The following GIT2 variants were observed in gnomAD, a reference collection of about 807,000 sequenced individuals.
The protein encoded by GIT2 is GIT ArfGAP 2, also known as ARF GTPase-activating protein GIT2.
In GIT2, 32 loss-of-function variants were observed where a neutral mutation model predicts 100.3. The observed-to-expected ratio is 0.32, with a 90% CI of 0.24 to 0.43. The LOEUF (loss-of-function observed/expected upper bound fraction) is 0.43, where lower values mean the gene tolerates loss of function less well. Among genes scored for constraint, GIT2 ranks in the 20% least tolerant of loss-of-function variants. The pLI is 1.00. For missense variants in GIT2, 737 were observed against 975.1 expected, an observed-to-expected ratio of 0.76 and a Z score of 3.25; for synonymous variants, 353 against 364.1, an observed-to-expected ratio of 0.97 and a Z score of 0.35.
At position 109,939,188 on chromosome 12, in the gene GIT2, G is replaced by T. The variant is rs780891524; in HGVS notation, c.1791C>A (p.Asn597Lys). Residue 597 changes from asparagine (N) to lysine (K), a missense_variant, in exon 17 of 20, where the codon AAC (asparagine) becomes AAA (lysine). Asn to Lys is a moderately conservative substitution (Grantham distance 94). Transcript: ENST00000355312. Reference protein sequence around the residue: ...TPESDYDNTPNDMEPDGMGSS... With the variant: ...TPESDYDNTPKDMEPDGMGSS... ...ACCCCATGCCATCTGGCTCCATGTC[G>T]TTGGGAGTGTTGTCGTAGTCACTCT... The T allele has an allele frequency of 6.2e-7, 1 of 1,610,258 alleles. No individual in the cohort carries two copies. Among genetic ancestry groups the T allele is most frequent in the Admixed American group, 1.7e-5 (1 of 59,982 alleles).
chr12:109,939,727 A>AATC (rs1565936273), intron 16 of GIT2: 6 of 145,054 alleles, frequency 4.1e-5, no homozygotes, highest in Non-Finnish European at 7.5e-5. Flanking sequence ...ATAAATAAAT[A>AATC]AATCAGCCAG....
intron 7 of GIT2, among the ~76,000 whole-genome samples, chr12:109,969,188 A>G (rs892360744): frequency 0.01 from 657 of 65,250 alleles, 5 homozygotes; most frequent in African/African-American, 0.042. Flanking sequence ...TTTTTTTGAG[A>G]TGGAGTTTTG....
chr12:109,945,439 C>T, intron 15 of GIT2, 90 bp from the exon 16 acceptor site: 1 of 719,926 alleles, frequency 1.4e-6, no homozygotes, highest in Non-Finnish European at 2.5e-6. Flanking sequence ...AATCCTGGAA[C>T]ACCACACATT....
chr12:109,980,355 C>T (rs1407765824), intron 7 of GIT2, among the ~76,000 whole-genome samples: 1 of 152,056 alleles, frequency 6.6e-6, no homozygotes, highest in Non-Finnish European at 1.5e-5. Context: ...AGACATGACC[C>T]GTTGCACCCG....
At chr12:109,993,690 T>C (rs919619169) in intron 1 of GIT2, among the ~76,000 whole-genome samples, 2 of 152,214 alleles carry the variant, frequency 1.3e-5, no homozygotes, top group African/African-American at 2.4e-5. Context: ...TTTCTCAGTA[T>C]TCAGATATTT....
chr12:109,992,891 C>T (rs1432183890), intron 1 of GIT2, among the ~76,000 whole-genome samples: 1 of 151,884 alleles, frequency 6.6e-6, no homozygotes, highest in East Asian at 1.9e-4. Flanking sequence ...AGACTGGTCT[C>T]AAACTCCTGA....
chr12:109,991,863 T>A, intron 1 of GIT2, 103 bp from the exon 2 acceptor site: 1 of 1,072,356 alleles, frequency 9.3e-7, no homozygotes, highest in South Asian at 1.4e-5. Flanking sequence ...AAAGGAGACA[T>A]TTTTGTTTCA....
intron 16 of GIT2, among the ~76,000 whole-genome samples, chr12:109,941,147 C>T (rs1469704578): frequency 6.6e-6 from 1 of 152,202 alleles, no homozygotes. Context: ...TAGTTCCCAG[C>T]TGCTCAAATA....
chr12:109,945,282 G>T lies in GIT2; in HGVS notation c.1709C>A (p.Ser570Ter). 1 of 1,570,256 alleles carries T rather than the reference G, an allele frequency of 6.4e-7. No individual in the cohort carries two copies. The highest frequency in any genetic ancestry group is 1.1e-5 in the South Asian group (1 of 89,998). Reference sequence around the variant, plus strand: ...AACCCTTCGGGCGCTTTCGTCCCTCGACCAGGAAAGTGTGGAGGGGAAGGA... The same window carrying T: ...AACCCTTCGGGCGCTTTCGTCCCTCTACCAGGAAAGTGTGGAGGGGAAGGA... ...LPSFPSTLSW[S>*]RDESARRASR... Residue 570 changes from serine (S) to a stop codon, truncating the protein, a stop_gained, in exon 16 of 20, where the codon TCG becomes TAG. Transcript: ENST00000355312. LOFTEE classifies it high-confidence loss of function.
Position 109,931,249 on chromosome 12 carries a change from C to T in GIT2, c.*1729G>A, listed in dbSNP as rs1398793317. 1 of 152,218 alleles carries T rather than the reference C, an allele frequency of 6.6e-6. No individual in the cohort carries two copies. The highest frequency in any genetic ancestry group is 1.9e-4 in the East Asian group (1 of 5,200). The allele number at this position is 152,218 out of a possible 1,614,324, so 9.4% of individuals were successfully genotyped here. A position where few individuals can be genotyped will look rare whatever the true frequency, so the allele number is the denominator to read the frequency against. ...ACATGTGTGAATGACTGCTATGGGA[C>T]AGAACATATGGTTAAAAACAGGAGC... On this transcript the variant is annotated 3_prime_UTR_variant, in exon 20 of 20. Coordinates refer to ENST00000355312, the MANE Select transcript of GIT2 (RefSeq NM_057169.5).
chr12:109,948,814 T>C lies in GIT2; in HGVS notation c.1393-1310A>G. On this transcript the variant is annotated intron_variant, in intron 14 of 19. Transcript: ENST00000355312. The surrounding 1 kb of genome is among the most constrained non-coding windows in gnomAD (Gnocchi z 4.3). ...TGAAAAATACACCAATAGTAGTTGC[T>C]CCTCTTCATTAATTAGCATCTTTTC... 6.2e-7 allele frequency: 1 copy of C among 1,604,384 alleles called. No homozygotes were observed. The highest frequency in any genetic ancestry group is 1.1e-5 in the South Asian group (1 of 89,164).
chr12:109,989,845 C>T (rs745988493), intron 2 of GIT2, 43 bp from the exon 3 acceptor site: 1 of 1,002,132 alleles, frequency 1.0e-6, no homozygotes, highest in South Asian at 1.3e-5. Context: ...TTTCTTTTCA[C>T]AAATATTCAA....
chr12:109,999,722 C>T, upstream of GIT2: 12 of 1,538,492 alleles, frequency 7.8e-6, no homozygotes, highest in Non-Finnish European at 1.1e-5. The surrounding 1 kb of genome is among the most constrained non-coding windows in gnomAD (Gnocchi z 4.3). Context: ...CGACCACTAC[C>T]CCCTGCACCT....
intron 4 of GIT2, among the ~76,000 whole-genome samples, chr12:109,984,172 G>A (rs992875278): frequency 6.6e-6 from 1 of 152,116 alleles, no homozygotes; most frequent in African/African-American, 2.4e-5. Context: ...CACTTTGGGG[G>A]GCTGAGGTTG....
intron 15 of GIT2, among the ~76,000 whole-genome samples, chr12:109,946,553 A>G (rs536030168): frequency 1.7e-4 from 26 of 152,350 alleles, no homozygotes; most frequent in Middle Eastern, 3.4e-3. Context: ...ATGTATCCCA[A>G]TGCAAAATAA....
chr12:109,932,835 A>C lies in GIT2; in HGVS notation c.*143T>G. On this transcript the variant is annotated 3_prime_UTR_variant, in exon 20 of 20. Coordinates refer to ENST00000355312, the MANE Select transcript of GIT2 (RefSeq NM_057169.5). ...TTGAAAATTGGTTAGAAAACATGCA[A>C]AAATAATACTGAGTTTTCTTTTAAA... 1 of 614,198 alleles carries C rather than the reference A, an allele frequency of 1.6e-6. No homozygotes were observed. 38.0% of individuals were successfully genotyped at this position (614,198 alleles called of 1,614,324 possible). A position where few individuals can be genotyped will look rare whatever the true frequency, so the allele number is the denominator to read the frequency against.
chr12:109,934,077 G>A lies in GIT2; in HGVS notation c.2012C>T (p.Pro671Leu). ...AQENKHDSYIPCSERIHVAVT... is the reference protein window; with the variant it reads ...AQENKHDSYILCSERIHVAVT... The stretch of plus-strand genomic sequence containing the variant: ...AGCTACGTGTATCCTCTCTGAGCAG[G>A]GAATATAACTGCAAGAATATTGAAG... The change falls in exon 19 of 20, where the codon CCC becomes CTC. Residue 671 changes from proline to leucine, a missense_variant. By Grantham distance (98) the Pro-to-Leu change is moderately conservative. Transcript: ENST00000355312. The surrounding 1 kb of genome is among the most constrained non-coding windows in gnomAD (Gnocchi z 4.5). 1 of 1,552,658 alleles carries A rather than the reference G, an allele frequency of 6.4e-7. No individual in the cohort carries two copies.
intron 1 of GIT2, among the ~76,000 whole-genome samples, chr12:109,994,075 C>CAAAAAAAAA (rs34393850): frequency 6.7e-5 from 4 of 59,680 alleles, no homozygotes; most frequent in Non-Finnish European, 1.5e-4. Flanking sequence ...ACACTAATGG[C>CAAAAAAAAA]AAAAAAAAAA....
chr12:109,949,100 G>A (rs978753009), intron 14 of GIT2: 1 of 525,328 alleles, frequency 1.9e-6, no homozygotes, highest in Non-Finnish European at 3.3e-6. Flanking sequence ...CACAAAGGCT[G>A]GCAGGGTATA....
Sources: gnomAD v4.1 joint callset for allele counts (sites outside exome capture counted in the v4.1 genomes callset) on GRCh38, gnomAD v4.1.1 for gene constraint, Gnocchi (gnomAD v3.1) non-coding constraint, MANE v1.5 for transcripts, NCBI Gene and HGNC (gene_info 2026-07-23, HGNC 2026-07-21) for gene names.